Variants in FBXL17 observed in about 807,000 individuals in gnomAD.
The protein encoded by FBXL17 is F-box/LRR-repeat protein 17.
FBXL17 carries 22 observed loss-of-function variants against 66.2 expected under a neutral mutation model. That is an observed-to-expected ratio of 0.33 (90% CI 0.24 to 0.47). FBXL17 has a LOEUF of 0.47. Among genes scored for constraint, FBXL17 ranks in the 20% least tolerant of loss-of-function variants. The probability of loss-of-function intolerance (pLI) is 1.00; values close to 1 mark genes in which losing one functional copy is unlikely to be tolerated. For synonymous variants in FBXL17, 474 were observed against 400.5 expected, an observed-to-expected ratio of 1.18 and a Z score of -2.19; for missense variants, 878 against 948.2, an observed-to-expected ratio of 0.93 and a Z score of 0.97.
chr5:107,876,534 A>T (rs927821349), intron 8 of FBXL17, among the ~76,000 whole-genome samples: 2 of 152,154 alleles, frequency 1.3e-5, no homozygotes, highest in African/African-American at 4.8e-5. Flanking sequence ...AGAGGTTTCC[A>T]CCACGACACT....
At chr5:107,935,409 A>ATGTGTGTGTGTGTG (rs10636166) in intron 7 of FBXL17, among the ~76,000 whole-genome samples, 3 of 149,174 alleles carry the variant, frequency 2.0e-5, no homozygotes, top group African/African-American at 7.4e-5. Flanking sequence ...TTATATATAT[A>ATGTGTGTGTGTGTG]TATGTGTGTG....
chr5:108,358,506 G>T (rs1463179438), intron 3 of FBXL17, among the ~76,000 whole-genome samples: 1 of 151,524 alleles, frequency 6.6e-6, no homozygotes, highest in Non-Finnish European at 1.5e-5. Context: ...TTTGTATGTT[G>T]AGCCACCCTT....
At chr5:108,035,387 ATGGAGTGTCGCTTTTGTTGCCCAGGC>A (rs945338995) in intron 6 of FBXL17, among the ~76,000 whole-genome samples, 4 of 151,836 alleles carry the variant, frequency 2.6e-5, no homozygotes, top group Non-Finnish European at 5.9e-5. Context: ...CTTTTCTGAG[ATGGAGTGTCGCTTTTGTTGCCCAGGC>A]TGGAGTGCAA....
intron 4 of FBXL17, among the ~76,000 whole-genome samples, chr5:108,324,831 A>G (rs1444966534): frequency 6.6e-6 from 1 of 152,100 alleles, no homozygotes; most frequent in South Asian, 2.1e-4. Context: ...CACATGCTAC[A>G]ACATAGATGA....
At chr5:108,234,590 A>C (rs1755514359) in intron 4 of FBXL17, among the ~76,000 whole-genome samples, 1 of 152,200 alleles carries the variant, frequency 6.6e-6, no homozygotes, top group African/African-American at 2.4e-5. Flanking sequence ...GTAGAGTGGC[A>C]GATATCAAGG....
intron 6 of FBXL17, among the ~76,000 whole-genome samples, chr5:108,160,463 AG>A (rs1006503436): frequency 6.6e-6 from 1 of 152,242 alleles, no homozygotes; most frequent in Admixed American, 6.5e-5. Flanking sequence ...GAGAAGAAGA[AG>A]AAAGTTCTCA....
At chr5:108,038,334 G>C (rs1409790015) in intron 6 of FBXL17, among the ~76,000 whole-genome samples, 1 of 151,954 alleles carries the variant, frequency 6.6e-6, no homozygotes, top group Non-Finnish European at 1.5e-5. Flanking sequence ...ATCTGATAGA[G>C]ATAACTGAAG....
intron 3 of FBXL17, 31 bp downstream of exon 3, chr5:108,364,707 G>A (rs1302272868): frequency 3.2e-6 from 5 of 1,547,798 alleles, no homozygotes; most frequent in African/African-American, 1.4e-5. Flanking sequence ...ATTAATTCAA[G>A]TAAAATCACT....
intron 1 of FBXL17, among the ~76,000 whole-genome samples, chr5:108,379,521 CCAAA>C (rs1749692786): frequency 6.6e-6 from 1 of 152,042 alleles, no homozygotes; most frequent in Non-Finnish European, 1.5e-5. Context: ...TAAAACAGAC[CCAAA>C]CACACAGTAC....
At chr5:108,130,332 C>T (rs1033598775) in intron 6 of FBXL17, among the ~76,000 whole-genome samples, 2 of 151,742 alleles carry the variant, frequency 1.3e-5, no homozygotes, top group Admixed American at 1.3e-4. Flanking sequence ...AATCTCAAAT[C>T]TTAGTAATCA....
chr5:108,140,067 G>C (rs925419372), intron 6 of FBXL17, among the ~76,000 whole-genome samples: 9 of 151,924 alleles, frequency 5.9e-5, no homozygotes, highest in African/African-American at 2.2e-4. Flanking sequence ...TTGTTTGTTT[G>C]AGACAGGGTA....
chr5:108,198,998 T>A (rs908442649), intron 5 of FBXL17, among the ~76,000 whole-genome samples: 5 of 152,148 alleles, frequency 3.3e-5, no homozygotes, highest in Non-Finnish European at 7.4e-5. Flanking sequence ...AAAGCACTAC[T>A]TTCTGAAACA....
intron 6 of FBXL17, among the ~76,000 whole-genome samples, chr5:108,047,477 CTG>C (rs1747298608): frequency 6.6e-6 from 1 of 152,148 alleles, no homozygotes; most frequent in Non-Finnish European, 1.5e-5. Context: ...TGTTTAAGTC[CTG>C]TGAGCTCCCT....
At chr5:108,069,672 C>T (rs73208843) in intron 6 of FBXL17, among the ~76,000 whole-genome samples, 2,256 of 152,278 alleles carry the variant, frequency 0.015, 73 homozygotes, top group African/African-American at 0.051. Context: ...TTTCCTTCCC[C>T]ATAGCCTGGT....
chr5:107,930,698 T>C (rs17160744), intron 7 of FBXL17, among the ~76,000 whole-genome samples: 1 of 152,190 alleles, frequency 6.6e-6, no homozygotes, highest in Non-Finnish European at 1.5e-5. Flanking sequence ...GAATAGAGGA[T>C]CTAGCAGGTT....
In FBXL17 at chr5:108,165,069, A is replaced by C. The variant is rs1039715893; in HGVS notation, c.1745+21048T>G. ...TAAGGAGACAACAAAAAGTATACAA[A>C]GATATAGAAATAAGAATATTTATCA... On this transcript the variant is annotated intron_variant, in intron 6 of 8. Coordinates refer to ENST00000542267, the MANE Select transcript of FBXL17 (RefSeq NM_001163315.3). 2.0e-4 allele frequency among the ~76,000 whole-genome samples: 30 copies of C among 152,262 alleles called. 1 individual carries two copies. The highest frequency in any genetic ancestry group is 5.2e-4 in the Admixed American group (8 of 15,284).
At chr5:108,074,682 A>G (rs746617702) in intron 6 of FBXL17, among the ~76,000 whole-genome samples, 1 of 152,220 alleles carries the variant, frequency 6.6e-6, no homozygotes, top group Admixed American at 6.5e-5. Context: ...TGAGGAGTCT[A>G]AAGTCATGGA....
intron 6 of FBXL17, among the ~76,000 whole-genome samples, chr5:108,088,700 C>CAAAAAAAAAAAAAAA (rs57707936): frequency 1.8e-4 from 9 of 49,346 alleles, no homozygotes; most frequent in African/African-American, 7.8e-4. Context: ...GACTCTATCT[C>CAAAAAAAAAAAAAAA]AAAAAAAAAA....
intron 6 of FBXL17, among the ~76,000 whole-genome samples, chr5:108,088,999 G>A (rs978745461): frequency 6.6e-6 from 1 of 152,154 alleles, no homozygotes; most frequent in Non-Finnish European, 1.5e-5. Context: ...GAATGGTGCT[G>A]CTATTCATCC....
Sources: allele counts gnomAD v4.1 joint callset (sites outside exome capture counted in the v4.1 genomes callset), GRCh38; gene constraint gnomAD v4.1.1; transcripts MANE v1.5; gene names NCBI Gene and HGNC (gene_info 2026-07-23, HGNC 2026-07-21).